Variants in SOS2 observed in about 807,000 individuals in gnomAD.
SOS2 encodes the protein son of sevenless homolog 2.
SOS2 carries 65 observed loss-of-function variants against 148.2 expected under a neutral mutation model. That is an observed-to-expected ratio of 0.44 (90% confidence interval 0.36 to 0.54). The LOEUF (loss-of-function observed/expected upper bound fraction) is 0.54. Ranked by LOEUF, SOS2 falls within the 20% of genes least tolerant of loss-of-function variation. The pLI is 0.00. For missense variants in SOS2, 1,341 were observed against 1,590.2 expected (o/e 0.84, Z 2.67); for synonymous variants, 539 against 537.1 (o/e 1.00, Z -0.05).
At chr14:50,133,249 C>CTTTTTTTTTTTTTT (rs1175960937) in intron 19 of SOS2, among the ~76,000 whole-genome samples, 1 of 105,634 alleles carries the variant, frequency 9.5e-6, no homozygotes, top group Non-Finnish European at 1.7e-5. Flanking sequence ...TTTCTTTTTT[C>CTTTTTTTTTTTTTT]TTTTTTTTTT....
chr14:50,228,175 G>A (rs1887436877), intron 1 of SOS2, among the ~76,000 whole-genome samples: 1 of 151,666 alleles, frequency 6.6e-6, no homozygotes, highest in Non-Finnish European at 1.5e-5. Flanking sequence ...CTGAGCAGCT[G>A]GGATTACAGG....
rs891793074 is a variant in SOS2, at chr14:50,195,518, T to C, written c.510+4173A>G. Among the ~76,000 whole-genome samples, 39 of 152,244 alleles carry C rather than the reference T, an allele frequency of 2.6e-4. 1 individual carries two copies. The highest frequency in any genetic ancestry group is 9.4e-4 in the African/African-American group (39 of 41,544). ...GGCCAACACCTGTAATCCCAGCATC[T>C]TGGGAGGTTGAGGCAAGAAAATCAC... is the stretch of plus-strand genomic sequence containing the variant. On this transcript the variant is annotated intron_variant, in intron 4 of 22. Coordinates refer to ENST00000216373, the MANE Select transcript of SOS2 (RefSeq NM_006939.4).
In SOS2 at chr14:50,174,526, T is replaced by A. The variant is rs1291024382; in HGVS notation, c.996A>T (p.Ala332=). 6.2e-7 allele frequency: 1 copy of A among 1,609,358 alleles called. No individual in the cohort carries two copies. Among genetic ancestry groups the A allele is most frequent in the Admixed American group, 1.7e-5 (1 of 59,904 alleles). The change falls in exon 8 of 23, where the codon GCA becomes GCT. Residue 332 remains alanine, a synonymous_variant. Transcript: ENST00000216373. ...TAAGACGTGGAAGGACATAACGAAC[T>A]GCCTCTTTAAAACCATCAGCAATGG... ...FQSIADGFKE[A]VRYVLPRLML...
At chr14:50,137,666 A>G (rs1884127967) in intron 18 of SOS2, among the ~76,000 whole-genome samples, 1 of 151,996 alleles carries the variant, frequency 6.6e-6, no homozygotes, top group Admixed American at 6.6e-5. Flanking sequence ...TTAATTTTTA[A>G]AATTTTTAAT....
At chr14:50,182,105 T>C (rs1347436415) in intron 6 of SOS2, among the ~76,000 whole-genome samples, 2 of 152,048 alleles carry the variant, frequency 1.3e-5, no homozygotes, top group African/African-American at 4.8e-5. Context: ...TGTCACTATA[T>C]AGGCAATGTG....
chr14:50,227,067 C>T lies in SOS2; in HGVS notation c.87+4130G>A, dbSNP rs1446908195. On this transcript the variant is annotated intron_variant, in intron 1 of 22. Transcript: ENST00000216373. Reference sequence around the variant, plus strand: ...TAATGTTAACAATCCATGCATTATCCATTAGTAGTGTCATTTCACTCTGCT... The same window carrying T: ...TAATGTTAACAATCCATGCATTATCTATTAGTAGTGTCATTTCACTCTGCT... Among the ~76,000 whole-genome samples, 3 of 152,038 alleles carry T rather than the reference C, an allele frequency of 2.0e-5. No homozygotes were observed. The East Asian group carries it at 5.8e-4, about 29-fold the overall frequency.
At chr14:50,129,685 A>G (rs1428606559) in intron 21 of SOS2, among the ~76,000 whole-genome samples, 1 of 152,196 alleles carries the variant, frequency 6.6e-6, no homozygotes, top group Non-Finnish European at 1.5e-5. Flanking sequence ...ACACCCGGCT[A>G]GGTGTTCTAT....
intron 19 of SOS2, among the ~76,000 whole-genome samples, chr14:50,131,759 G>C (rs1194398046): frequency 6.6e-6 from 1 of 152,156 alleles, no homozygotes; most frequent in African/African-American, 2.4e-5. Context: ...ATGCCCCAAA[G>C]AAATCAGCTG....
At chr14:50,138,016 T>G (rs1389748924) in intron 18 of SOS2, among the ~76,000 whole-genome samples, 1 of 149,228 alleles carries the variant, frequency 6.7e-6, no homozygotes, top group Non-Finnish European at 1.5e-5. Context: ...ATTTTTTGTA[T>G]TTTTAGTAGA....
Position 50,157,810 on chromosome 14 carries a change from A to G in SOS2, c.1935-689T>C, listed in dbSNP as rs1884866975. Reference sequence around the variant, plus strand: ...GTTTTAAAACGTAAAACTAAAAATCATTCTGGAGTCCAGATTCTACATTTT... The same window carrying G: ...GTTTTAAAACGTAAAACTAAAAATCGTTCTGGAGTCCAGATTCTACATTTT... On this transcript the variant is annotated intron_variant, in intron 11 of 22. Transcript: ENST00000216373. Among the ~76,000 whole-genome samples the G allele has an allele frequency of 2.0e-5, 3 of 152,310 alleles. No individual in the cohort carries two copies. The South Asian group carries it at 6.2e-4, about 32-fold the overall frequency.
At chr14:50,130,359 T>C (rs990877327) in intron 20 of SOS2, 142 bp downstream of exon 20, 8 of 692,490 alleles carry the variant, frequency 1.2e-5, no homozygotes, top group Non-Finnish European at 1.9e-5. Flanking sequence ...CTTCTTGTAT[T>C]AATCATTATT....
chr14:50,215,531 C>G, intron 1 of SOS2: 1 of 1,152,354 alleles, frequency 8.7e-7, no homozygotes, highest in South Asian at 1.6e-5. Context: ...AAATAATTTC[C>G]AGTCTTTAAC....
intron 4 of SOS2, among the ~76,000 whole-genome samples, chr14:50,189,061 T>TCACACACACACACACA (rs10599812): frequency 1.4e-4 from 18 of 128,780 alleles, no homozygotes; most frequent in Admixed American, 5.9e-4. Flanking sequence ...CGAGACTCCA[T>TCACACACACACACACA]CACACACACA....
intron 4 of SOS2, among the ~76,000 whole-genome samples, chr14:50,197,689 CTT>C (rs35121759): frequency 0.015 from 1,830 of 125,782 alleles, 49 homozygotes; most frequent in Middle Eastern, 0.063. Flanking sequence ...GCTTTACCAC[CTT>C]TTTTTTTTTT....
chr14:50,155,757 C>T (rs1286625493), intron 12 of SOS2: 1 of 152,096 alleles, frequency 6.6e-6, no homozygotes, highest in African/African-American at 2.4e-5. Context: ...CTTAGAAATA[C>T]ATAAAGAGCT....
intron 14 of SOS2, among the ~76,000 whole-genome samples, chr14:50,149,450 AT>A (rs1393230155): frequency 6.6e-5 from 10 of 152,298 alleles, no homozygotes; most frequent in Admixed American, 5.2e-4. Context: ...TAAAAAAAAA[AT>A]GAACTCATGG....
At chr14:50,175,408 ACT>A (rs1388428969) in intron 7 of SOS2, among the ~76,000 whole-genome samples, 1 of 146,846 alleles carries the variant, frequency 6.8e-6, no homozygotes, top group African/African-American at 2.5e-5. Context: ...TACTCAGTGA[ACT>A]CTCCAATAGG....
chr14:50,161,265 A>G (rs530142097), intron 9 of SOS2, among the ~76,000 whole-genome samples: 132 of 151,098 alleles, frequency 8.7e-4, no homozygotes, highest in Admixed American at 1.6e-3. Flanking sequence ...ACACCACTGC[A>G]CTCCAGCCTG....
chr14:50,178,554 C>T (rs1885602114), intron 7 of SOS2, among the ~76,000 whole-genome samples: 1 of 151,562 alleles, frequency 6.6e-6, no homozygotes, highest in African/African-American at 2.4e-5. Context: ...ACCCCCACCT[C>T]CTGGGTTCAA....
Sources: gnomAD v4.1 joint callset for allele counts (sites outside exome capture counted in the v4.1 genomes callset) on GRCh38, gnomAD v4.1.1 for gene constraint, MANE v1.5 for transcripts, NCBI Gene and HGNC (gene_info 2026-07-23, HGNC 2026-07-21) for gene names.